The following EYA2 variants were observed in gnomAD, a reference collection of about 807,000 sequenced individuals.
The protein encoded by EYA2 is EYA transcriptional coactivator and phosphatase 2.
EYA2 carries 31 observed loss-of-function variants against 69.2 expected under a neutral mutation model. The observed-to-expected ratio is 0.45, with a 90% confidence interval of 0.34 to 0.60. EYA2 has a LOEUF of 0.60. Ranked by LOEUF, EYA2 falls within the 20% of genes least tolerant of loss-of-function variation. The pLI, the probability that EYA2 is intolerant of heterozygous loss-of-function variation, is 0.02. For synonymous variants in EYA2, 257 were observed against 279.4 expected (o/e 0.92, Z 0.80); for missense variants, 622 against 701.2 (o/e 0.89, Z 1.28).
chr20:47,103,058 C>T (rs1453375064), intron 9 of EYA2, among the ~76,000 whole-genome samples: 5 of 152,334 alleles, frequency 3.3e-5, no homozygotes, highest in African/African-American at 4.8e-5. Flanking sequence ...ATATGAAGCT[C>T]AACTCCAGGA....
intron 5 of EYA2, among the ~76,000 whole-genome samples, chr20:47,053,709 A>G (rs1245852833): frequency 6.7e-6 from 1 of 149,746 alleles, no homozygotes; most frequent in Non-Finnish European, 1.5e-5. Context: ...TCTATCTCCC[A>G]AGAACCAATC....
At chr20:46,953,384 G>A (rs1391918695) in intron 1 of EYA2, among the ~76,000 whole-genome samples, 2 of 152,162 alleles carry the variant, frequency 1.3e-5, no homozygotes, top group Non-Finnish European at 1.5e-5. Context: ...CAAAATCTTG[G>A]GGAATGGTTA....
chr20:46,990,761 T>C (rs1192468249), intron 2 of EYA2, among the ~76,000 whole-genome samples: 1 of 152,252 alleles, frequency 6.6e-6, no homozygotes, highest in Non-Finnish European at 1.5e-5. Flanking sequence ...GGCTTAACCC[T>C]TTCTTTGGCC....
At chr20:47,026,207 T>C (rs1042636349) in intron 5 of EYA2, among the ~76,000 whole-genome samples, 1 of 152,238 alleles carries the variant, frequency 6.6e-6, no homozygotes, top group Non-Finnish European at 1.5e-5. Flanking sequence ...ATTGAATGAA[T>C]GGCATTGGAA....
At chr20:47,113,290 G>A (rs80347425) in intron 9 of EYA2, among the ~76,000 whole-genome samples, 41 of 152,322 alleles carry the variant, frequency 2.7e-4, no homozygotes, top group African/African-American at 9.1e-4. Context: ...AAAAGTTGGG[G>A]CTCCCAAGGA....
chr20:46,936,427 C>T (rs551663163), intron 1 of EYA2, among the ~76,000 whole-genome samples: 3 of 152,262 alleles, frequency 2.0e-5, no homozygotes, highest in Non-Finnish European at 2.9e-5. Flanking sequence ...GCCAACATCA[C>T]GCCATGGCCC....
At chr20:46,908,777 T>G (rs1378454577) in intron 1 of EYA2, among the ~76,000 whole-genome samples, 1 of 145,588 alleles carries the variant, frequency 6.9e-6, no homozygotes, top group East Asian at 2.1e-4. Context: ...GAAATATACC[T>G]CCAGGCTCAT....
intron 5 of EYA2, among the ~76,000 whole-genome samples, chr20:47,046,818 C>G (rs999970096): frequency 6.6e-6 from 1 of 152,162 alleles, no homozygotes; most frequent in Non-Finnish European, 1.5e-5. Flanking sequence ...TCTTGTGTAT[C>G]TATCTGGGAA....
intron 5 of EYA2, among the ~76,000 whole-genome samples, chr20:47,065,000 C>G (rs1385880435): frequency 6.6e-6 from 1 of 152,138 alleles, no homozygotes; most frequent in African/African-American, 2.4e-5. Flanking sequence ...TGGTGGAAGG[C>G]AAAGGAGGAG....
At chr20:46,904,705 G>A (rs531035207) in intron 1 of EYA2, among the ~76,000 whole-genome samples, 178 of 152,250 alleles carry the variant, frequency 1.2e-3, no homozygotes, top group Non-Finnish European at 1.9e-3. Context: ...TGCCAAAGAC[G>A]CACGGCCCCT....
At chr20:47,004,716 G>C (rs1982595546) in intron 3 of EYA2, among the ~76,000 whole-genome samples, 1 of 152,172 alleles carries the variant, frequency 6.6e-6, no homozygotes, top group Non-Finnish European at 1.5e-5. Flanking sequence ...CATTCTACGG[G>C]GCTGAACCCA....
intron 4 of EYA2, among the ~76,000 whole-genome samples, chr20:47,008,709 T>A (rs974827451): frequency 1.3e-5 from 2 of 152,204 alleles, no homozygotes; most frequent in African/African-American, 4.8e-5. Context: ...AGAGCACATG[T>A]CCTGGAATTC....
chr20:47,057,589 C>T (rs1377391568), intron 5 of EYA2, among the ~76,000 whole-genome samples: 3 of 150,274 alleles, frequency 2.0e-5, no homozygotes, highest in Non-Finnish European at 4.4e-5. Context: ...ATTTTCACAT[C>T]AACATCAGTA....
chr20:47,188,230 C>T lies in EYA2; in HGVS notation c.*97C>T, dbSNP rs45536536. 1.0e-4 allele frequency: 125 copies of T among 1,254,776 alleles called. No homozygotes were observed. In the African/African-American group the frequency reaches 1.6e-3, roughly 16 times the overall value. 77.7% of individuals were successfully genotyped at this position (1,254,776 alleles called of 1,614,324 possible). ...ACTCCAGAGACCCAGATGTTGGACA[C>T]CAGGAAGGGGCCCCACAGCCGAGAC... is the stretch of plus-strand genomic sequence containing the variant. On this transcript the variant is annotated 3_prime_UTR_variant, in exon 16 of 16. Transcript: ENST00000327619.
At chr20:47,118,863 C>G (rs1387568407) in intron 9 of EYA2, among the ~76,000 whole-genome samples, 1 of 152,164 alleles carries the variant, frequency 6.6e-6, no homozygotes, top group African/African-American at 2.4e-5. Context: ...TCGCCAACTT[C>G]CCCCGCTTTC....
chr20:47,148,370 C>T (rs543186069), intron 10 of EYA2, among the ~76,000 whole-genome samples: 1 of 152,298 alleles, frequency 6.6e-6, no homozygotes, highest in South Asian at 2.1e-4. Context: ...GGGGCCTTTC[C>T]ACCAGGGGGC....
intron 9 of EYA2, among the ~76,000 whole-genome samples, chr20:47,126,740 A>G (rs2033200474): frequency 6.6e-6 from 1 of 152,180 alleles, no homozygotes; most frequent in African/African-American, 2.4e-5. Flanking sequence ...GTGATTCTCA[A>G]CTAGGGGTGA....
chr20:46,907,959 A>G (rs557419547), intron 1 of EYA2, among the ~76,000 whole-genome samples: 3 of 152,100 alleles, frequency 2.0e-5, no homozygotes, highest in Non-Finnish European at 4.4e-5. Flanking sequence ...CCTTCTTTAC[A>G]TTGGGGAAAA....
At chr20:46,949,590 G>T (rs914257780) in intron 1 of EYA2, among the ~76,000 whole-genome samples, 1 of 152,170 alleles carries the variant, frequency 6.6e-6, no homozygotes, top group East Asian at 1.9e-4. Context: ...TCTTCTCCAC[G>T]TTTTGGGTTT....
Sources: allele counts gnomAD v4.1 joint callset (sites outside exome capture counted in the v4.1 genomes callset), GRCh38; gene constraint gnomAD v4.1.1; transcripts MANE v1.5; gene names NCBI Gene and HGNC (gene_info 2026-07-23, HGNC 2026-07-21).